Variants in METTL8 observed in about 807,000 individuals in gnomAD.
METTL8 encodes the protein tRNA N(3)-cytidine methyltransferase METTL8, mitochondrial.
Under a neutral mutation model 48.7 loss-of-function variants are expected in METTL8, and 32 were observed. The ratio of observed to expected loss-of-function variants is 0.66; its 90% confidence interval spans 0.50 to 0.88. The LOEUF (loss-of-function observed/expected upper bound fraction) is 0.88. Ranked by LOEUF, METTL8 falls within the 40% of genes least tolerant of loss-of-function variation. The pLI is 0.00. For missense variants in METTL8, 464 were observed against 474.4 expected, an observed-to-expected ratio of 0.98 and a Z score of 0.20; for synonymous variants, 136 against 157.1, an observed-to-expected ratio of 0.87 and a Z score of 1.01.
chr2:171,359,715 C>T (rs915117254), intron 3 of METTL8, among the ~76,000 whole-genome samples: 5 of 151,646 alleles, frequency 3.3e-5, no homozygotes, highest in African/African-American at 4.8e-5. Context: ...TGAGTTCAAG[C>T]GATTCTCCTG....
Position 171,360,508 on chromosome 2 carries a change from T to G in METTL8, c.149A>C (p.His50Pro), listed in dbSNP as rs750317615. ...TTCTTCTTCCTTAGACCACTGCATG[T>G]GATCCCTATTAAAAAAAAATAGACT... ...AKVFEHNMWD[H>P]MQWSKEEEAA... The change falls in exon 3 of 10, where the codon CAC becomes CCC. Residue 50 changes from histidine to proline, a missense_variant. By Grantham distance (77) the His-to-Pro change is moderately conservative. Coordinates refer to ENST00000375258, the MANE Select transcript of METTL8 (RefSeq NM_001321154.2). The G allele has an allele frequency of 1.2e-6, 2 of 1,611,120 alleles. No individual in the cohort carries two copies.
intron 2 of METTL8, among the ~76,000 whole-genome samples, chr2:171,385,148 C>CA (rs1687921003): frequency 6.6e-6 from 1 of 151,880 alleles, no homozygotes; most frequent in Non-Finnish European, 1.5e-5. Context: ...TGTGGTGGCT[C>CA]ATGCCTGTAA....
At chr2:171,434,246 G>C, upstream of METTL8, 1 of 472,904 alleles carries the variant, frequency 2.1e-6, no homozygotes, top group Non-Finnish European at 4.2e-6. Context: ...GCTGCCTCAC[G>C]AGGCACTAGG....
Position 171,341,401 on chromosome 2 carries a change from T to A in METTL8, c.236-1847A>T, listed in dbSNP as rs1015005005. ...TCAACAAACATGTCTTTTATTTATT[T>A]ATTTATTTTATATTTTTAGTAGAGA... On this transcript the variant is annotated intron_variant, in intron 3 of 9. Coordinates refer to ENST00000375258, the MANE Select transcript of METTL8 (RefSeq NM_001321154.2). Among the ~76,000 whole-genome samples, 6 of 152,056 alleles carry A rather than the reference T, an allele frequency of 3.9e-5. No homozygotes were observed. In the East Asian group the frequency reaches 9.7e-4, roughly 25 times the overall value.
chr2:171,417,872 T>C (rs577246156), intron 1 of METTL8, among the ~76,000 whole-genome samples: 35 of 152,336 alleles, frequency 2.3e-4, no homozygotes, highest in African/African-American at 8.4e-4. Context: ...GTCCATACTT[T>C]ATTCAATTTC....
rs1227019576 is a variant in METTL8, at chr2:171,316,973, A to T, written c.*7199T>A. 6.6e-6 allele frequency among the ~76,000 whole-genome samples: 1 copy of T among 152,218 alleles called. No homozygotes were observed. The highest frequency in any genetic ancestry group is 1.5e-5 in the Non-Finnish European group (1 of 68,040). ...CTTTACGCCAAGCATTCTGTTTAGC[A>T]GGACTGCCTCAGGAGGAACACAAGT... On this transcript the variant is annotated 3_prime_UTR_variant, in exon 10 of 10. Coordinates refer to ENST00000375258, the MANE Select transcript of METTL8 (RefSeq NM_001321154.2).
At position 171,319,051 on chromosome 2, in the gene METTL8, CA is replaced by C. The variant is rs1684397305; in HGVS notation, c.*5120del. ...CTAAATTAAGAGTAGCTAAGCAGTT[CA>C]ATAGGAACTAGGACCCATGCTTCCT... On this transcript the variant is annotated 3_prime_UTR_variant, in exon 10 of 10. Transcript: ENST00000375258. 6.6e-6 allele frequency: 1 copy of C among 152,050 alleles called. No homozygotes were observed. The highest frequency in any genetic ancestry group is 1.5e-5 in the Non-Finnish European group (1 of 68,016). The allele number at this position is 152,050 out of a possible 1,614,324, so 9.4% of individuals were successfully genotyped here.
chr2:171,331,813 C>T lies in METTL8; in HGVS notation c.711G>A (p.Glu237=). The T allele has an allele frequency of 5.0e-6, 8 of 1,603,874 alleles. No homozygotes were observed. The highest frequency in any genetic ancestry group is 2.2e-5 in the East Asian group (1 of 44,772). ...YCCDFASGAV[E]LVKSHSSYRA... is the part of the protein sequence containing the mutation. ...CCCAGGAGTAGCATACCTTTACGAG[C>T]TCCACAGCTCCAGAAGCAAAATCAC... is the stretch of plus-strand genomic sequence containing the variant. The change falls in exon 6 of 10, where the codon GAG becomes GAA. Residue 237 remains glutamate, a synonymous_variant. Coordinates refer to ENST00000375258, the MANE Select transcript of METTL8 (RefSeq NM_001321154.2).
intron 1 of METTL8, among the ~76,000 whole-genome samples, chr2:171,430,537 AAAATAAAT>A (rs746066381): frequency 1.2e-4 from 19 of 152,276 alleles, no homozygotes; most frequent in African/African-American, 4.3e-4. Context: ...CAGTATAATA[AAAATAAAT>A]AAATAAATAA....
chr2:171,325,670 G>C (rs1424543033), intron 9 of METTL8, among the ~76,000 whole-genome samples, 171 bp downstream of exon 9: 1 of 152,040 alleles, frequency 6.6e-6, no homozygotes, highest in African/African-American at 2.4e-5. Context: ...AACAGTAAAC[G>C]GCCATTTTCA....
At chr2:171,358,264 T>C (rs1264053045) in intron 3 of METTL8, among the ~76,000 whole-genome samples, 1 of 151,504 alleles carries the variant, frequency 6.6e-6, no homozygotes, top group Non-Finnish European at 1.5e-5. Context: ...GACAGGAGAA[T>C]TGCTTGAGCC....
At chr2:171,385,652 G>C (rs1052988835) in intron 2 of METTL8, among the ~76,000 whole-genome samples, 44 of 152,180 alleles carry the variant, frequency 2.9e-4, no homozygotes, top group Non-Finnish European at 5.7e-4. Flanking sequence ...AACCCCTTGG[G>C]GGGTATGCTA....
chr2:171,373,255 T>C (rs1469303328), intron 2 of METTL8, among the ~76,000 whole-genome samples: 2 of 152,278 alleles, frequency 1.3e-5, no homozygotes, highest in Admixed American at 6.5e-5. Context: ...CATTTTTTCA[T>C]GTGTCTGTCG....
At chr2:171,434,637 C>T, upstream of METTL8, 4 of 1,534,006 alleles carry the variant, frequency 2.6e-6, no homozygotes, top group African/African-American at 1.4e-5. Flanking sequence ...CGCTGGGCTG[C>T]TTCTCGCGCG....
chr2:171,366,245 T>A (rs1271041389), intron 2 of METTL8, among the ~76,000 whole-genome samples: 1 of 152,134 alleles, frequency 6.6e-6, no homozygotes, highest in Non-Finnish European at 1.5e-5. Context: ...AGTGGAAAGA[T>A]CTATCTGAGC....
intron 2 of METTL8, among the ~76,000 whole-genome samples, chr2:171,380,131 G>C (rs1687367910): frequency 6.6e-6 from 1 of 152,080 alleles, no homozygotes; most frequent in African/African-American, 2.4e-5. Context: ...CACATAAACT[G>C]AACCAATGAC....
rs1034040798 is a variant in METTL8, at chr2:171,336,745, G to A, written c.656+708C>T. On this transcript the variant is annotated intron_variant, in intron 5 of 9. Coordinates refer to ENST00000375258, the MANE Select transcript of METTL8 (RefSeq NM_001321154.2). The stretch of plus-strand genomic sequence containing the variant: ...GAAGGGATGACAAAATGAGGCTTAA[G>A]TTGTAAGCTTTACATTCAATTGTCT... Among the ~76,000 whole-genome samples, 56 of 151,840 alleles carry A rather than the reference G, an allele frequency of 3.7e-4. 1 individual carries two copies. Among genetic ancestry groups the A allele is most frequent in the East Asian group, 1.9e-4 (1 of 5,184 alleles).
intron 6 of METTL8, 131 bp from the exon 7 acceptor site, chr2:171,330,829 T>G (rs1685453277): frequency 1.5e-6 from 1 of 688,194 alleles, no homozygotes; most frequent in African/African-American, 1.8e-5. Flanking sequence ...TCTGAACACT[T>G]TTTTCCAATT....
At chr2:171,387,981 C>G (rs1574090198) in intron 2 of METTL8, among the ~76,000 whole-genome samples, 1 of 152,218 alleles carries the variant, frequency 6.6e-6, no homozygotes, top group South Asian at 2.1e-4. Flanking sequence ...TCCCTCTTCC[C>G]AGCAGCAGTG....
Sources: allele counts gnomAD v4.1 joint callset (sites outside exome capture counted in the v4.1 genomes callset), GRCh38; gene constraint gnomAD v4.1.1; transcripts MANE v1.5; gene names NCBI Gene and HGNC (gene_info 2026-07-23, HGNC 2026-07-21).